The following CMTM6 variants were observed in gnomAD, a reference collection of about 807,000 sequenced individuals.
CMTM6 encodes the protein CKLF-like MARVEL transmembrane domain-containing protein 6.
Under a neutral mutation model 13.6 loss-of-function variants are expected in CMTM6, and 5 were observed. The observed-to-expected ratio is 0.37, with a 90% CI of 0.19 to 0.77. The LOEUF (loss-of-function observed/expected upper bound fraction) is 0.77. Ranked by LOEUF, CMTM6 falls within the 30% of genes least tolerant of loss-of-function variation. The pLI, the probability that CMTM6 is intolerant of heterozygous loss-of-function variation, is 0.50. For missense variants in CMTM6, 196 were observed against 218.6 expected (o/e 0.90, Z 0.65); for synonymous variants, 99 against 84.5 (o/e 1.17, Z -0.94).
chr3:32,494,671 A>G (rs1371020498), intron 1 of CMTM6, among the ~76,000 whole-genome samples: 3 of 152,238 alleles, frequency 2.0e-5, no homozygotes, highest in African/African-American at 4.8e-5. Context: ...ATGGAATATT[A>G]GCAATAAAAA....
At chr3:32,499,704 G>A in intron 1 of CMTM6, among the ~76,000 whole-genome samples, 1 of 152,276 alleles carries the variant, frequency 6.6e-6, no homozygotes, top group African/African-American at 2.4e-5. Flanking sequence ...AAGGGTGGAT[G>A]GTAGTTGGGG....
intron 1 of CMTM6, among the ~76,000 whole-genome samples, chr3:32,502,359 C>T (rs1459095366): frequency 1.3e-5 from 2 of 152,212 alleles, no homozygotes; most frequent in Non-Finnish European, 2.9e-5. Flanking sequence ...ATTTCCTGAG[C>T]CCGCCTAACA....
Position 32,502,839 on chromosome 3 carries a change from TC to T in CMTM6, c.-95del. 9 of 1,324,858 alleles carry T rather than the reference TC, an allele frequency of 6.8e-6. No individual in the cohort carries two copies. The highest frequency in any genetic ancestry group is 8.7e-6 in the Non-Finnish European group (9 of 1,030,764). 82.1% of individuals were successfully genotyped at this position (1,324,858 alleles called of 1,614,324 possible). A position where few individuals can be genotyped will look rare whatever the true frequency, so the allele number is the denominator to read the frequency against. ...CGGTAGCCGGGAGGCGGCCGTCACT[TC>T]CTGGGCCTTCTCCCCGGCTTCCGCC... On this transcript the variant is annotated 5_prime_UTR_variant, in exon 1 of 4. Transcript: ENST00000205636.
intron 3 of CMTM6, among the ~76,000 whole-genome samples, chr3:32,484,388 A>C (rs145616847): frequency 1.3e-5 from 2 of 152,338 alleles, no homozygotes; most frequent in East Asian, 3.9e-4. Flanking sequence ...AAGTAGGGTT[A>C]ACAGATAAAC....
intron 1 of CMTM6, among the ~76,000 whole-genome samples, chr3:32,499,014 A>G (rs967089935): frequency 1.3e-5 from 2 of 152,196 alleles, no homozygotes; most frequent in Admixed American, 1.3e-4. Flanking sequence ...CATTAATTAT[A>G]AAGCTCCATC....
intron 2 of CMTM6, 74 bp downstream of exon 2, chr3:32,491,636 C>G (rs1697250510): frequency 1.5e-6 from 2 of 1,301,030 alleles, no homozygotes; most frequent in South Asian, 3.4e-5. Context: ...GAAAACATTA[C>G]TGCTTTGAAC....
At position 32,493,481 on chromosome 3, in the gene CMTM6, G is replaced by A. The variant is rs554716328; in HGVS notation, c.139-1595C>T. ...ATTCAGTTTTAAATATGCTGTGATT[G>A]AGGAGGTCTGTGGAAGAGTTTGGTG... On this transcript the variant is annotated intron_variant, in intron 1 of 3. Transcript: ENST00000205636. Among the ~76,000 whole-genome samples, 6 of 152,336 alleles carry A rather than the reference G, an allele frequency of 3.9e-5. No individual in the cohort carries two copies. In the South Asian group the frequency reaches 1.0e-3, roughly 26 times the overall value.
chr3:32,495,241 A>T (rs926107582), intron 1 of CMTM6, among the ~76,000 whole-genome samples: 1 of 152,206 alleles, frequency 6.6e-6, no homozygotes, highest in Non-Finnish European at 1.5e-5. Flanking sequence ...TAAGTTAGTG[A>T]AGCATGAAAT....
Position 32,483,829 on chromosome 3 carries a change from T to A in CMTM6, c.*131A>T, listed in dbSNP as rs1236950059. 1.1e-6 allele frequency: 1 copy of A among 952,094 alleles called. No homozygotes were observed. Among genetic ancestry groups the A allele is most frequent in the Admixed American group, 3.2e-5 (1 of 31,356 alleles). 59.0% of individuals were successfully genotyped at this position (952,094 alleles called of 1,614,324 possible). A position where few individuals can be genotyped will look rare whatever the true frequency, so the allele number is the denominator to read the frequency against. On this transcript the variant is annotated 3_prime_UTR_variant, in exon 4 of 4. Transcript: ENST00000205636. Reference sequence around the variant, plus strand: ...CTGACACAATATTGATAAAACTGCCTTCTTGACCTTCCCCTTGCTCTCCAA... The same window carrying A: ...CTGACACAATATTGATAAAACTGCCATCTTGACCTTCCCCTTGCTCTCCAA...
rs1697157056 is a variant in CMTM6, at chr3:32,481,888, G to A, written c.*2072C>T. ...ATGGAGGTGAAACCTCAGAACAAGC[G>A]GAGCTTAAGCTCAATGACAGTATGT... is the stretch of plus-strand genomic sequence containing the variant. On this transcript the variant is annotated 3_prime_UTR_variant, in exon 4 of 4. Coordinates refer to ENST00000205636, the MANE Select transcript of CMTM6 (RefSeq NM_017801.3). 1 of 152,210 alleles carries A rather than the reference G, an allele frequency of 6.6e-6. No individual in the cohort carries two copies. Among genetic ancestry groups the A allele is most frequent in the Admixed American group, 6.5e-5 (1 of 15,280 alleles). 9.4% of individuals were successfully genotyped at this position (152,210 alleles called of 1,614,324 possible).
intron 1 of CMTM6, among the ~76,000 whole-genome samples, chr3:32,494,515 T>C (rs1697273618): frequency 6.6e-6 from 1 of 152,208 alleles, no homozygotes; most frequent in South Asian, 2.1e-4. Context: ...ATAGAACTCT[T>C]GGGCAACTAT....
At chr3:32,487,812 A>C in intron 3 of CMTM6, 126 bp downstream of exon 3, 1 of 593,694 alleles carries the variant, frequency 1.7e-6, no homozygotes, top group Admixed American at 3.1e-5. Flanking sequence ...TCTATTCAAA[A>C]TTACACTAAA....
Position 32,483,558 on chromosome 3 carries a change from T to C in CMTM6, c.*402A>G, listed in dbSNP as rs1697174268. 1 of 152,994 alleles carries C rather than the reference T, an allele frequency of 6.5e-6. No individual in the cohort carries two copies. The highest frequency in any genetic ancestry group is 1.5e-5 in the Non-Finnish European group (1 of 68,596). 9.5% of individuals were successfully genotyped at this position (152,994 alleles called of 1,614,324 possible). ...ACAGCTAAGCAAATTAATTTAAAAA[T>C]AAAACAATTTCTAAGTAGATGAATA... On this transcript the variant is annotated 3_prime_UTR_variant, in exon 4 of 4. Transcript: ENST00000205636.
At chr3:32,494,174 A>G (rs763684937) in intron 1 of CMTM6, among the ~76,000 whole-genome samples, 3 of 152,210 alleles carry the variant, frequency 2.0e-5, no homozygotes, top group Non-Finnish European at 2.9e-5. Context: ...TTCTCTAGAA[A>G]TAGAAGGGAA....
rs187739246 is a variant in CMTM6 at position 32,491,478 on chromosome 3, C to A, written c.315+232G>T. ...TCTAATGTGAATTACATTAAACCAC[C>A]AATAACTGTAAACTATTGGCAGTGT... On this transcript the variant is annotated intron_variant, in intron 2 of 3. Coordinates refer to ENST00000205636, the MANE Select transcript of CMTM6 (RefSeq NM_017801.3). Among the ~76,000 whole-genome samples, 101 of 152,218 alleles carry A rather than the reference C, an allele frequency of 6.6e-4. 2 individuals carry two copies. The highest frequency in any genetic ancestry group is 2.3e-3 in the African/African-American group (95 of 41,528).
rs1187204461 is a variant in CMTM6 at position 32,482,923 on chromosome 3, A to G, written c.*1037T>C. The G allele has an allele frequency of 3.9e-5, 6 of 152,304 alleles. No homozygotes were observed. Among genetic ancestry groups the G allele is most frequent in the African/African-American group, 7.2e-5 (3 of 41,406 alleles). The allele number at this position is 152,304 out of a possible 1,614,324, so 9.4% of individuals were successfully genotyped here. A position where few individuals can be genotyped will look rare whatever the true frequency, so the allele number is the denominator to read the frequency against. ...CACATGACTCCATTTCTATCTGATA[A>G]GGAGACAGAGAAGAGGCATCTCGAA... On this transcript the variant is annotated 3_prime_UTR_variant, in exon 4 of 4. Coordinates refer to ENST00000205636, the MANE Select transcript of CMTM6 (RefSeq NM_017801.3).
chr3:32,486,241 G>A (rs1171154201), intron 3 of CMTM6, among the ~76,000 whole-genome samples: 2 of 152,208 alleles, frequency 1.3e-5, no homozygotes, highest in Non-Finnish European at 2.9e-5. Flanking sequence ...CTTGCAAGAT[G>A]ATTTGTTGTC....
chr3:32,502,356 G>A (rs1108259), intron 1 of CMTM6, among the ~76,000 whole-genome samples: 3 of 152,320 alleles, frequency 2.0e-5, no homozygotes, highest in East Asian at 3.9e-4. Context: ...CGCATTTCCT[G>A]AGCCCGCCTA....
chr3:32,483,960 T>C lies in CMTM6; in HGVS notation c.552A>G (p.Ter184=). 2 of 1,598,464 alleles carry C rather than the reference T, an allele frequency of 1.3e-6. No homozygotes were observed. Among genetic ancestry groups the C allele is most frequent in the South Asian group, 2.3e-5 (2 of 88,608 alleles). Reference sequence around the variant, plus strand: ...AGGTAACATCTGCTCCCCAGAGTCTTTAGGCATTAAGTGGCTCAGTGAGGG... The same window carrying C: ...AGGTAACATCTGCTCCCCAGAGTCTCTAGGCATTAAGTGGCTCAGTGAGGG... ...AEALTEPLNA[*] is the part of the protein sequence containing the mutation. The change falls in exon 4 of 4, where the codon TAA becomes TAG. Residue 184 remains the stop codon, a stop_retained_variant. Transcript: ENST00000205636.
Sources: allele counts gnomAD v4.1 joint callset (sites outside exome capture counted in the v4.1 genomes callset), GRCh38; gene constraint gnomAD v4.1.1; transcripts MANE v1.5; gene names NCBI Gene and HGNC (gene_info 2026-07-23, HGNC 2026-07-21).